The following SFXN5 variants were observed in gnomAD, a reference collection of about 807,000 sequenced individuals.
SFXN5 encodes sideroflexin 5.
In SFXN5, 43 loss-of-function variants were observed where a neutral mutation model predicts 50.2. The ratio of observed to expected loss-of-function variants is 0.86; its 90% CI spans 0.67 to 1.11. The LOEUF is 1.11. SFXN5 is among the 50% of genes least tolerant of loss of function. The pLI is 0.00. For synonymous variants in SFXN5, 203 were observed against 185.8 expected (o/e 1.09, Z -0.75); for missense variants, 463 against 454.1 (o/e 1.02, Z -0.18).
intron 10 of SFXN5, among the ~76,000 whole-genome samples, chr2:72,977,931 C>T (rs1670820575): frequency 6.7e-6 from 1 of 149,014 alleles, no homozygotes; most frequent in South Asian, 2.1e-4. Flanking sequence ...CAAGATTGCA[C>T]CACTGCACTC....
At chr2:72,981,703 C>T (rs1157934369) in intron 10 of SFXN5, among the ~76,000 whole-genome samples, 1 of 152,214 alleles carries the variant, frequency 6.6e-6, no homozygotes, top group East Asian at 1.9e-4. Flanking sequence ...GGGCCCATGC[C>T]AGTTCTGAGG....
intron 3 of SFXN5, among the ~76,000 whole-genome samples, chr2:73,026,604 G>C (rs954829384): frequency 1.3e-5 from 2 of 152,158 alleles, no homozygotes; most frequent in South Asian, 4.1e-4. Flanking sequence ...GGTAATACTG[G>C]TGTAAACCAA....
rs143554040 is a variant in SFXN5 at position 73,023,634 on chromosome 2, T to C, written c.250-420A>G. 2.9e-3 allele frequency among the ~76,000 whole-genome samples: 437 copies of C among 152,316 alleles called. 2 individuals are homozygous for C. The highest frequency in any genetic ancestry group is 9.8e-3 in the African/African-American group (408 of 41,574). ...CAGCATAATATAATTTTTTCAGAGATAGCCTGGATTCCCTGCTGTGCCACT... is the reference window on the plus strand; with the variant it reads ...CAGCATAATATAATTTTTTCAGAGACAGCCTGGATTCCCTGCTGTGCCACT... On this transcript the variant is annotated intron_variant, in intron 3 of 13. Coordinates refer to ENST00000272433, the MANE Select transcript of SFXN5 (RefSeq NM_144579.3).
At chr2:73,001,375 C>T (rs1673887528) in intron 7 of SFXN5, 150 bp downstream of exon 7, 3 of 738,906 alleles carry the variant, frequency 4.1e-6, no homozygotes. Flanking sequence ...CCTGGTTTTC[C>T]TTCAGTGGCT....
At chr2:72,993,721 C>G (rs1672885923) in intron 9 of SFXN5, among the ~76,000 whole-genome samples, 1 of 152,176 alleles carries the variant, frequency 6.6e-6, no homozygotes, top group Admixed American at 6.5e-5. Flanking sequence ...AGACAATAGT[C>G]TGGTCCAGGA....
chr2:72,970,304 CCA>C (rs1674996364), intron 11 of SFXN5, among the ~76,000 whole-genome samples: 1 of 152,166 alleles, frequency 6.6e-6, no homozygotes, highest in South Asian at 2.1e-4. Flanking sequence ...AGAGGCCCCT[CCA>C]GTCTCTGGAA....
At chr2:73,068,886 AC>A (rs1338807900) in intron 1 of SFXN5, among the ~76,000 whole-genome samples, 4 of 151,908 alleles carry the variant, frequency 2.6e-5, no homozygotes, top group Non-Finnish European at 4.4e-5. Flanking sequence ...TCATGGATAC[AC>A]CAGGGATGAG....
intron 2 of SFXN5, among the ~76,000 whole-genome samples, chr2:73,047,904 G>C (rs1176134443): frequency 6.6e-6 from 1 of 152,130 alleles, no homozygotes; most frequent in South Asian, 2.1e-4. Context: ...TTCTGTAAGA[G>C]GATATTTATT....
chr2:72,963,524 T>C (rs1364243233), intron 12 of SFXN5, among the ~76,000 whole-genome samples: 2 of 121,158 alleles, frequency 1.7e-5, no homozygotes, highest in Non-Finnish European at 3.4e-5. Flanking sequence ...GCGAACACAG[T>C]AGGACAGGGG....
intron 13 of SFXN5, among the ~76,000 whole-genome samples, chr2:72,954,889 C>A (rs964451660): frequency 6.6e-6 from 1 of 152,238 alleles, no homozygotes; most frequent in Non-Finnish European, 1.5e-5. Context: ...CTTCCCTAAT[C>A]CTACTGGGAG....
chr2:73,022,671 T>C (rs1677053392), intron 4 of SFXN5, 95 bp from the exon 5 acceptor site: 1 of 749,712 alleles, frequency 1.3e-6, no homozygotes, highest in Non-Finnish European at 2.3e-6. Context: ...GCAGAGGCAT[T>C]AGGGGAGGAA....
intron 3 of SFXN5, among the ~76,000 whole-genome samples, chr2:73,038,807 C>CT (rs1011154191): frequency 3.9e-5 from 6 of 151,942 alleles, no homozygotes; most frequent in African/African-American, 4.8e-5. Flanking sequence ...AAACTTTCAA[C>CT]TTTTTTTTAA....
In SFXN5 at chr2:72,960,186, A is replaced by C. The variant is rs1293011206; in HGVS notation, c.945+945T>G. ...CCCTCCAGCCCAGGCGTCTCTCCTC[A>C]TTCCAGACCCAGAGCCAACATCCCA... is the stretch of plus-strand genomic sequence containing the variant. On this transcript the variant is annotated intron_variant, in intron 13 of 13. Transcript: ENST00000272433. The surrounding 1 kb of genome is among the most constrained non-coding windows in gnomAD (Gnocchi z 6.1). Among the ~76,000 whole-genome samples the C allele has an allele frequency of 6.6e-6, 1 of 151,928 alleles. No homozygotes were observed. Among genetic ancestry groups the C allele is most frequent in the Non-Finnish European group, 1.5e-5 (1 of 67,988 alleles).
intron 1 of SFXN5, chr2:73,059,129 C>T: frequency 1.0e-6 from 1 of 988,062 alleles, no homozygotes; most frequent in Non-Finnish European, 1.2e-6. Flanking sequence ...AGCCCTGTAG[C>T]TGCTGAAGTG....
intron 3 of SFXN5, among the ~76,000 whole-genome samples, chr2:73,030,309 G>C (rs1209800434): frequency 6.6e-6 from 1 of 151,982 alleles, no homozygotes. Flanking sequence ...TGCACAGAAA[G>C]CAGTCTTATT....
At chr2:72,990,385 C>T (rs1672440964) in intron 9 of SFXN5, among the ~76,000 whole-genome samples, 1 of 152,136 alleles carries the variant, frequency 6.6e-6, no homozygotes, top group Non-Finnish European at 1.5e-5. Context: ...GCTGCCCCCG[C>T]CACATGAATA....
At chr2:73,057,497 C>A (rs2106026421) in intron 2 of SFXN5, among the ~76,000 whole-genome samples, 1 of 152,168 alleles carries the variant, frequency 6.6e-6, no homozygotes, top group African/African-American at 2.4e-5. Context: ...CTGTAGGATT[C>A]CATTTATATG....
chr2:72,947,233 G>C (rs1672053516), intron 13 of SFXN5, among the ~76,000 whole-genome samples: 1 of 152,236 alleles, frequency 6.6e-6, no homozygotes, highest in African/African-American at 2.4e-5. Context: ...CACAATGCTG[G>C]TCCACAGTAG....
At chr2:73,023,450 A>G (rs80224972) in intron 3 of SFXN5, among the ~76,000 whole-genome samples, 112 of 152,274 alleles carry the variant, frequency 7.4e-4, no homozygotes, top group African/African-American at 2.7e-3. Flanking sequence ...TTGCGCATCA[A>G]TTAAGCCAGG....
Sources: allele counts gnomAD v4.1 joint callset (sites outside exome capture counted in the v4.1 genomes callset), GRCh38; gene constraint gnomAD v4.1.1; non-coding constraint Gnocchi (gnomAD v3.1); transcripts MANE v1.5; gene names NCBI Gene and HGNC (gene_info 2026-07-23, HGNC 2026-07-21).